Variants in ZNF276 observed in about 807,000 individuals in gnomAD.
ZNF276 encodes the protein zinc finger protein 276, also known as centromere protein Z.
A neutral mutation model predicts 63.9 loss-of-function variants in ZNF276; 59 were observed. That is an observed-to-expected ratio of 0.92 (90% CI 0.75 to 1.15). The LOEUF (loss-of-function observed/expected upper bound fraction) is 1.15. Ranked by LOEUF, ZNF276 falls within the 50% of genes most tolerant of loss-of-function variation. ZNF276 has a pLI of 0.00. For missense variants in ZNF276, 1,084 were observed against 843.8 expected (o/e 1.28, Z -3.53); for synonymous variants, 496 against 348.4 (o/e 1.42, Z -4.72).
intron 9 of ZNF276, among the ~76,000 whole-genome samples, chr16:89,736,330 A>AG (rs2061885734): frequency 5.3e-5 from 7 of 130,922 alleles, no homozygotes; most frequent in African/African-American, 1.6e-4. Flanking sequence ...CCCAGCCCCC[A>AG]ATTTTTTTTT....
rs775351812 is a variant in ZNF276 at position 89,739,216 on chromosome 16, A to C, written c.*970A>C. ...GCCACGAAGAGCTGGACCAGCTTCA[A>C]GTACATGTCCACAGCAACATGCAGG... On this transcript the variant is annotated 3_prime_UTR_variant, in exon 11 of 11. Coordinates refer to ENST00000443381, the MANE Select transcript of ZNF276 (RefSeq NM_001113525.2). The C allele has an allele frequency of 6.2e-7, 1 of 1,614,164 alleles. No individual in the cohort carries two copies. The highest frequency in any genetic ancestry group is 1.3e-5 in the African/African-American group (1 of 75,054).
intron 4 of ZNF276, 96 bp downstream of exon 4, chr16:89,723,805 G>A (rs1227788553): frequency 4.7e-6 from 6 of 1,285,848 alleles, no homozygotes; most frequent in African/African-American, 1.5e-5. Flanking sequence ...TGCTCTAGGT[G>A]GTGGCTGGGG....
rs554525485 is a variant in ZNF276, at chr16:89,738,560, A to G, written c.*314A>G. 6 of 1,612,206 alleles carry G rather than the reference A, an allele frequency of 3.7e-6. No individual in the cohort carries two copies. Among genetic ancestry groups the G allele is most frequent in the Non-Finnish European group, 5.1e-6 (6 of 1,179,712 alleles). ...CTCCATGTTATGCTTGTAATAAATT[A>G]TTTACACGGGAGCTGGGCTGGTGTG... is the stretch of plus-strand genomic sequence containing the variant. On this transcript the variant is annotated 3_prime_UTR_variant, in exon 11 of 11. Transcript: ENST00000443381.
In ZNF276 at chr16:89,738,829, G is replaced by C. The variant is rs774488518; in HGVS notation, c.*583G>C. On this transcript the variant is annotated 3_prime_UTR_variant, in exon 11 of 11. Transcript: ENST00000443381. ...GCCAGGCAGGCACATGGCCCAGGCA[G>C]CTGTCAATTCTCATGTCCCCCACAT... is the stretch of plus-strand genomic sequence containing the variant. 41 of 1,614,014 alleles carry C rather than the reference G, an allele frequency of 2.5e-5. No individual in the cohort carries two copies. Among genetic ancestry groups the C allele is most frequent in the Non-Finnish European group, 3.4e-5 (40 of 1,180,022 alleles).
At chr16:89,737,588 C>T in intron 9 of ZNF276, 1 of 803,244 alleles carries the variant, frequency 1.2e-6, no homozygotes, top group Non-Finnish European at 1.8e-6. Context: ...AAAAACCATC[C>T]TGAAATGCAC....
intron 6 of ZNF276, chr16:89,732,170 T>G (rs75735858): frequency 1.5e-4 from 9 of 58,874 alleles, no homozygotes; most frequent in East Asian, 3.0e-3. Context: ...GTCTCTCTCT[T>G]TAAGTCTCCG....
At chr16:89,722,019 C>T (rs927959363) in intron 1 of ZNF276, among the ~76,000 whole-genome samples, 174 bp downstream of exon 1, 1 of 152,086 alleles carries the variant, frequency 6.6e-6, no homozygotes, top group Non-Finnish European at 1.5e-5. Flanking sequence ...TTTCCTCGCG[C>T]TCCGTGACGC....
chr16:89,739,316 G>A lies in ZNF276; in HGVS notation c.*1070G>A, dbSNP rs768026295. The A allele has an allele frequency of 1.2e-6, 2 of 1,613,876 alleles. No homozygotes were observed. Among genetic ancestry groups the A allele is most frequent in the Non-Finnish European group, 1.7e-6 (2 of 1,179,878 alleles). On this transcript the variant is annotated 3_prime_UTR_variant, in exon 11 of 11. Coordinates refer to ENST00000443381, the MANE Select transcript of ZNF276 (RefSeq NM_001113525.2). ...TAGAGGTAAAGACATAGTGACAAATGGCTACAGACTGCTGGAAAGGTAGCA... is the reference window on the plus strand; with the variant it reads ...TAGAGGTAAAGACATAGTGACAAATAGCTACAGACTGCTGGAAAGGTAGCA...
At position 89,739,745 on chromosome 16, in the gene ZNF276, G is replaced by A. The variant is rs2062078803; in HGVS notation, c.*1499G>A. The A allele has an allele frequency of 6.7e-7, 1 of 1,489,814 alleles. No homozygotes were observed. The highest frequency in any genetic ancestry group is 2.5e-5 in the East Asian group (1 of 40,518). The allele number at this position is 1,489,814 out of a possible 1,614,324, so 92.3% of individuals were successfully genotyped here. On this transcript the variant is annotated 3_prime_UTR_variant, in exon 11 of 11. Transcript: ENST00000443381. ...GAGAGGATGGGGGGGTCGACCTCTT[G>A]CAGGAGGGTGGGTGTGGTGCAGAGA...
intron 9 of ZNF276, chr16:89,737,588 C>A: frequency 2.5e-6 from 2 of 803,244 alleles, no homozygotes; most frequent in Non-Finnish European, 3.7e-6. Context: ...AAAAACCATC[C>A]TGAAATGCAC....
upstream of ZNF276, chr16:89,720,868 G>A: frequency 1.5e-6 from 2 of 1,372,158 alleles, no homozygotes; most frequent in Non-Finnish European, 1.9e-6. Flanking sequence ...CCATGGCGCC[G>A]AGCGGGGGAG....
intron 1 of ZNF276, 149 bp downstream of exon 1, chr16:89,721,994 G>A (rs2061301125): frequency 1.8e-6 from 1 of 567,578 alleles, no homozygotes; most frequent in Non-Finnish European, 2.5e-6. Flanking sequence ...ATAGGCGCTG[G>A]GCGGCCGGCT....
chr16:89,724,690 G>A (rs1056109623), intron 4 of ZNF276, among the ~76,000 whole-genome samples: 6 of 152,280 alleles, frequency 3.9e-5, no homozygotes, highest in East Asian at 1.9e-4. Flanking sequence ...AGATACGGGT[G>A]CACAGATGAG....
chr16:89,738,659 T>G lies in ZNF276; in HGVS notation c.*413T>G, dbSNP rs1414520846. 1.9e-6 allele frequency: 3 copies of G among 1,613,704 alleles called. No homozygotes were observed. The highest frequency in any genetic ancestry group is 2.2e-5 in the South Asian group (2 of 91,062). On this transcript the variant is annotated 3_prime_UTR_variant, in exon 11 of 11. Transcript: ENST00000443381. ...GTCAGGGGCAGCCTGCTGTCTGCTC[T>G]GGAGGGCGGCGCTCACCTCTGGGTC... is the stretch of plus-strand genomic sequence containing the variant.
rs1477673842 is a variant in ZNF276, at chr16:89,733,931, A to G, written c.1367A>G (p.Lys456Arg). Residue 456 changes from lysine (K) to arginine (R), a missense_variant, in exon 9 of 11, where the codon AAG (lysine) becomes AGG (arginine). Coordinates refer to ENST00000443381, the MANE Select transcript of ZNF276 (RefSeq NM_001113525.2). ...GAGTCTCTCCTTCAGAAGCACATCA[A>G]GGAGCACCACGAGGAGGTCCGGGAG... ...RGADGMKKHI[K>R]EHHEEVRERP... The G allele has an allele frequency of 3.7e-6, 6 of 1,613,712 alleles. No individual in the cohort carries two copies. Among genetic ancestry groups the G allele is most frequent in the Non-Finnish European group, 5.1e-6 (6 of 1,179,968 alleles).
chr16:89,739,231 C>A lies in ZNF276; in HGVS notation c.*985C>A, dbSNP rs1456500627. 2 of 1,614,054 alleles carry A rather than the reference C, an allele frequency of 1.2e-6. No individual in the cohort carries two copies. Among genetic ancestry groups the A allele is most frequent in the Non-Finnish European group, 1.7e-6 (2 of 1,180,040 alleles). ...ACCAGCTTCAAGTACATGTCCACAG[C>A]AACATGCAGGAAGGCCTCTTCCCTG... On this transcript the variant is annotated 3_prime_UTR_variant, in exon 11 of 11. Coordinates refer to ENST00000443381, the MANE Select transcript of ZNF276 (RefSeq NM_001113525.2).
chr16:89,735,891 G>GTT (rs1206938214), intron 9 of ZNF276, among the ~76,000 whole-genome samples: 4 of 48,356 alleles, frequency 8.3e-5, no homozygotes, highest in Non-Finnish European at 1.5e-4. Flanking sequence ...GTTTTTTTTT[G>GTT]TTTGTTTGTT....
chr16:89,737,571 T>C (rs547236392), intron 9 of ZNF276: 4 of 648,232 alleles, frequency 6.2e-6, no homozygotes, highest in Middle Eastern at 4.7e-4. Flanking sequence ...CTTTCTGAGG[T>C]TTCTTTAAAA....
intron 4 of ZNF276, among the ~76,000 whole-genome samples, chr16:89,726,727 T>C (rs1180028641): frequency 1.3e-5 from 2 of 151,374 alleles, no homozygotes; most frequent in African/African-American, 4.9e-5. Context: ...CTCACTGCAA[T>C]GTCTGCCTCC....
Sources: gnomAD v4.1 joint callset for allele counts (sites outside exome capture counted in the v4.1 genomes callset) on GRCh38, gnomAD v4.1.1 for gene constraint, MANE v1.5 for transcripts, NCBI Gene and HGNC (gene_info 2026-07-23, HGNC 2026-07-21) for gene names.